CELF5: variants seen among roughly 807,000 people sequenced by gnomAD.
CELF5 encodes CUG-BP and ETR-3 like factor 5.
CELF5 carries 6 observed loss-of-function variants against 54.9 expected under a neutral mutation model. The observed-to-expected ratio is 0.11, with a 90% CI of 0.06 to 0.22. CELF5 has a LOEUF of 0.22. Among genes scored for constraint, CELF5 ranks in the 10% least tolerant of loss-of-function variants. The probability of loss-of-function intolerance (pLI) is 1.00; values close to 1 mark genes in which losing one functional copy is unlikely to be tolerated. For synonymous variants in CELF5, 271 were observed against 290.9 expected (o/e 0.93, Z 0.70); for missense variants, 401 against 678.6 (o/e 0.59, Z 4.54).
Position 3,285,004 on chromosome 19 carries a change from C to T in CELF5, c.1102+40C>T, listed in dbSNP as rs780153985. On this transcript the variant is annotated intron_variant, in intron 9 of 12. Transcript: ENST00000292672. ...GCGTGCCCGCGCTGGGCCCTGGCCC[C>T]GCCCCCGCCTAGGGCCCCGCCCCCA... 4 of 1,512,874 alleles carry T rather than the reference C, an allele frequency of 2.6e-6. No homozygotes were observed. The Admixed American group carries it at 5.6e-5, about 21-fold the overall frequency. The allele number at this position is 1,512,874 out of a possible 1,614,324, so 93.7% of individuals were successfully genotyped here. A position where few individuals can be genotyped will look rare whatever the true frequency, so the allele number is the denominator to read the frequency against.
intron 2 of CELF5, among the ~76,000 whole-genome samples, chr19:3,262,881 G>T (rs1483356324): frequency 1.3e-5 from 2 of 152,146 alleles, no homozygotes; most frequent in African/African-American, 4.8e-5. Context: ...GGAGGTTGCA[G>T]TGAGTGGAGA....
At chr19:3,232,845 T>C (rs1917332206) in intron 1 of CELF5, among the ~76,000 whole-genome samples, 1 of 152,052 alleles carries the variant, frequency 6.6e-6, no homozygotes, top group Non-Finnish European at 1.5e-5. Flanking sequence ...GAGGCCGAGG[T>C]GGGTGGATCA....
Position 3,278,186 on chromosome 19 carries a change from A to T in CELF5, c.603+76A>T, listed in dbSNP as rs891303090. On this transcript the variant is annotated intron_variant, in intron 5 of 12. Coordinates refer to ENST00000292672, the MANE Select transcript of CELF5 (RefSeq NM_021938.4). The surrounding 1 kb of genome is among the most constrained non-coding windows in gnomAD (Gnocchi z 4.5). ...GGGGGACAGGGATGAAACAGGCCAT[A>T]TTCCTACCGTCGCTGTCATCCGGTA... 9.8e-6 allele frequency: 10 copies of T among 1,025,392 alleles called. No homozygotes were observed. The highest frequency in any genetic ancestry group is 1.3e-5 in the Non-Finnish European group (9 of 687,144). The allele number at this position is 1,025,392 out of a possible 1,614,324, so 63.5% of individuals were successfully genotyped here. A position where few individuals can be genotyped will look rare whatever the true frequency, so the allele number is the denominator to read the frequency against.
At chr19:3,290,725 A>G (rs1359699155) in intron 11 of CELF5, among the ~76,000 whole-genome samples, 2 of 118,110 alleles carry the variant, frequency 1.7e-5, no homozygotes, top group Admixed American at 8.1e-5. Context: ...CACCACACCC[A>G]GCTAATTTTT....
At chr19:3,255,702 C>T (rs1668824954) in intron 2 of CELF5, among the ~76,000 whole-genome samples, 1 of 152,162 alleles carries the variant, frequency 6.6e-6, no homozygotes, top group African/African-American at 2.4e-5. Flanking sequence ...TCCCCTCAAA[C>T]CTCAGTTTTC....
intron 1 of CELF5, among the ~76,000 whole-genome samples, chr19:3,230,323 C>T (rs974820835): frequency 2.6e-5 from 4 of 152,136 alleles, no homozygotes; most frequent in Admixed American, 1.3e-4. Flanking sequence ...TCGACAGGAG[C>T]TTTCCAGGTG....
rs1450858749 is a variant in CELF5, at chr19:3,228,679, G to A, written c.259+3681G>A. ...GGTTTCCATGGGAGCACCAGCTGCCGGCTCGACTCGGGAGGGGGGGAGGAG... is the reference window on the plus strand; with the variant it reads ...GGTTTCCATGGGAGCACCAGCTGCCAGCTCGACTCGGGAGGGGGGGAGGAG... On this transcript the variant is annotated intron_variant, in intron 1 of 12. Transcript: ENST00000292672. The surrounding 1 kb of genome is among the most constrained non-coding windows in gnomAD (Gnocchi z 6.0). Among the ~76,000 whole-genome samples the A allele has an allele frequency of 5.3e-5, 8 of 151,190 alleles. No individual in the cohort carries two copies. Among genetic ancestry groups the A allele is most frequent in the Admixed American group, 3.3e-4 (5 of 15,242 alleles).
In CELF5 at chr19:3,275,915, C is replaced by T. The variant is rs1269361763; in HGVS notation, c.454C>T (p.Arg152Trp). ...NKQQSEEDVL[R>W]LFQPFGVIDE... Reference sequence around the variant, plus strand: ...GCAGCAGTCGGAGGAGGACGTGCTGCGGCTGTTCCAGCCCTTCGGGGTCAT... The same window carrying T: ...GCAGCAGTCGGAGGAGGACGTGCTGTGGCTGTTCCAGCCCTTCGGGGTCAT... The change falls in exon 4 of 13, where the codon CGG becomes TGG. Residue 152 changes from arginine (R) to tryptophan (W), a missense_variant. Around this residue, in one of 6 missense-constraint regions of CELF5, gnomAD observed 87 missense variants for 190.2 expected, o/e 0.46. Coordinates refer to ENST00000292672, the MANE Select transcript of CELF5 (RefSeq NM_021938.4). This position sits in a 1 kb window ranked among gnomAD's most constrained non-coding sequence, Gnocchi z 6.7. 6.2e-7 allele frequency: 1 copy of T among 1,612,064 alleles called. No individual in the cohort carries two copies. The highest frequency in any genetic ancestry group is 8.5e-7 in the Non-Finnish European group (1 of 1,179,498).
At position 3,282,160 on chromosome 19, in the gene CELF5, C is replaced by T; in HGVS notation, c.785C>T (p.Ser262Leu). The T allele has an allele frequency of 6.2e-7, 1 of 1,614,232 alleles. No individual in the cohort carries two copies. Among genetic ancestry groups the T allele is most frequent in the East Asian group, 2.2e-5 (1 of 44,892 alleles). The change falls in exon 7 of 13, where the codon TCG (serine) becomes TTG (leucine). Residue 262 changes from serine to leucine, a missense_variant. Physicochemically the swap from Ser to Leu is moderately radical, Grantham distance 145. Coordinates refer to ENST00000292672, the MANE Select transcript of CELF5 (RefSeq NM_021938.4). This position sits in a 1 kb window ranked among gnomAD's most constrained non-coding sequence, Gnocchi z 5.2. ...CAGCAGACAACAGTCCTGTCCACCT[C>T]GGGCAGCTACCTGAGTCCCGGCGTG... The part of the protein sequence containing the change: ...MQQQTTVLST[S>L]GSYLSPGVAF...
chr19:3,267,572 G>C (rs2079900875), intron 2 of CELF5, among the ~76,000 whole-genome samples: 1 of 152,166 alleles, frequency 6.6e-6, no homozygotes, highest in African/African-American at 2.4e-5. Flanking sequence ...AGGGGCAGAG[G>C]GTCCAGCTTC....
intron 4 of CELF5, 60 bp downstream of exon 4, chr19:3,276,044 G>A (rs1364088798): frequency 5.3e-6 from 3 of 565,312 alleles, no homozygotes; most frequent in South Asian, 6.0e-5. Context: ...TGGGGGCGGG[G>A]CCTGTGGGGA....
At chr19:3,257,783 T>A (rs2079751087) in intron 2 of CELF5, among the ~76,000 whole-genome samples, 1 of 32,776 alleles carries the variant, frequency 3.1e-5, no homozygotes, top group African/African-American at 1.5e-4. Context: ...GCCTCCATTT[T>A]TTTTTATTTA....
intron 1 of CELF5, among the ~76,000 whole-genome samples, chr19:3,245,087 G>A (rs1384729590): frequency 6.9e-6 from 1 of 144,362 alleles, no homozygotes; most frequent in African/African-American, 2.6e-5. Flanking sequence ...CTGTGTGTGT[G>A]TAGCGTTTGG....
At chr19:3,276,997 ATGAC>A (rs1446105915) in intron 4 of CELF5, among the ~76,000 whole-genome samples, 2 of 152,128 alleles carry the variant, frequency 1.3e-5, no homozygotes, top group Non-Finnish European at 2.9e-5. Flanking sequence ...ATTTGTCCAT[ATGAC>A]TGACTGGTGG....
At chr19:3,276,582 T>G (rs1055377453) in intron 4 of CELF5, among the ~76,000 whole-genome samples, 8 of 146,414 alleles carry the variant, frequency 5.5e-5, no homozygotes, top group African/African-American at 2.0e-4. Flanking sequence ...TGGGAGAAGC[T>G]GGTTCACAGG....
intron 5 of CELF5, among the ~76,000 whole-genome samples, chr19:3,280,405 T>C (rs957817820): frequency 6.6e-6 from 1 of 150,624 alleles, no homozygotes; most frequent in African/African-American, 2.5e-5. Flanking sequence ...ACCCCGTCTC[T>C]ACTAAAAATA....
intron 4 of CELF5, 95 bp downstream of exon 4, chr19:3,276,079 G>C (rs1314556439): frequency 1.5e-6 from 1 of 684,646 alleles, no homozygotes; most frequent in Non-Finnish European, 2.2e-6. Context: ...GCATGGGGAG[G>C]AGCTGGCTCT....
At position 3,275,743 on chromosome 19, in the gene CELF5, C is replaced by G. The variant is rs2080037701; in HGVS notation, c.395-113C>G. 2.5e-6 allele frequency: 3 copies of G among 1,188,322 alleles called. No homozygotes were observed. Among genetic ancestry groups the G allele is most frequent in the South Asian group, 3.2e-5 (2 of 62,752 alleles). 73.6% of individuals were successfully genotyped at this position (1,188,322 alleles called of 1,614,324 possible). A position where few individuals can be genotyped will look rare whatever the true frequency, so the allele number is the denominator to read the frequency against. ...GCGCAGAACCGGAGCCGGCAGGGCC[C>G]GGGCGCCGCGTCTTCCTGCCCTGCC... is the stretch of plus-strand genomic sequence containing the variant. On this transcript the variant is annotated intron_variant, in intron 3 of 12. Transcript: ENST00000292672. The surrounding 1 kb of genome is among the most constrained non-coding windows in gnomAD (Gnocchi z 6.7).
chr19:3,256,779 G>T (rs1315348843), intron 2 of CELF5, among the ~76,000 whole-genome samples: 1 of 151,922 alleles, frequency 6.6e-6, no homozygotes, highest in African/African-American at 2.4e-5. Context: ...TGTTGACCAG[G>T]CTGGTCTCAA....
Sources: gnomAD v4.1 joint callset for allele counts (sites outside exome capture counted in the v4.1 genomes callset) on GRCh38, gnomAD v4.1.1 for gene constraint, gnomAD v4.1.1 regional missense constraint, Gnocchi (gnomAD v3.1) non-coding constraint, MANE v1.5 for transcripts, NCBI Gene and HGNC (gene_info 2026-07-23, HGNC 2026-07-21) for gene names.